COL6A2: variants seen among roughly 807,000 people sequenced by gnomAD.
COL6A2 encodes the protein collagen type VI alpha 2 chain.
A neutral mutation model predicts 124.9 loss-of-function variants in COL6A2; 90 were observed. The observed-to-expected ratio is 0.72, with a 90% confidence interval of 0.61 to 0.86. The LOEUF is 0.86. Ranked by LOEUF, COL6A2 falls within the 40% of genes least tolerant of loss-of-function variation. The pLI, the probability that COL6A2 is intolerant of heterozygous loss-of-function variation, is 0.00. For missense variants in COL6A2, 1,607 were observed against 1,502.5 expected, an observed-to-expected ratio of 1.07 and a Z score of -1.15; for synonymous variants, 793 against 618.2, an observed-to-expected ratio of 1.28 and a Z score of -4.19.
chr21:46,105,130 C>A (rs1346115940), intron 1 of COL6A2, among the ~76,000 whole-genome samples: 1 of 152,212 alleles, frequency 6.6e-6, no homozygotes, highest in African/African-American at 2.4e-5. Context: ...GTAACCCCAT[C>A]ACTTTGGGAG....
In COL6A2 at chr21:46,116,680, AGG is replaced by A. The variant is rs1568929538; in HGVS notation, c.954+4_954+5del. Reference sequence around the variant, plus strand: ...AATTTGGAGCCGACGGTCGCAAGGTAGGCTGGCTGGGTAGGCAGAGCCCCTCC... The same window carrying A: ...AATTTGGAGCCGACGGTCGCAAGGTACTGGCTGGGTAGGCAGAGCCCCTCC... On this transcript the variant is annotated splice_donor_5th_base_variant and intron_variant, in intron 9 of 27. Transcript: ENST00000300527. The surrounding 1 kb of genome is among the most constrained non-coding windows in gnomAD (Gnocchi z 4.6). The A allele has an allele frequency of 1.3e-5, 21 of 1,613,092 alleles. No homozygotes were observed. The highest frequency in any genetic ancestry group is 1.7e-5 in the Non-Finnish European group (20 of 1,180,012).
chr21:46,111,138 C>T lies in COL6A2; in HGVS notation c.-27-312C>T, dbSNP rs527267118. ...AGTGGTGCTCCATTCCCTTCCATGC[C>T]GACGCGCCCAGCTACCCACTCCACC... On this transcript the variant is annotated intron_variant, in intron 1 of 27. Transcript: ENST00000300527. Among the ~76,000 whole-genome samples the T allele has an allele frequency of 3.4e-4, 51 of 152,236 alleles. 2 individuals carry two copies. The South Asian group carries it at 0.011, about 32-fold the overall frequency.
chr21:46,116,400 G>T lies in COL6A2; in HGVS notation c.924G>T (p.Glu308Asp). 6.2e-7 allele frequency: 1 copy of T among 1,612,994 alleles called. No individual in the cohort carries two copies. Among genetic ancestry groups the T allele is most frequent in the Non-Finnish European group, 8.5e-7 (1 of 1,180,002 alleles). The change falls in exon 8 of 28, where the codon GAG becomes GAT. Residue 308 changes from glutamate to aspartate, a missense_variant. Glu to Asp is a conservative substitution (Grantham distance 45, BLOSUM62 2). This residue lies in a region of COL6A2 where 42 missense variants were observed against 68.7 expected (regional missense o/e 0.61). Transcript: ENST00000300527. This position sits in a 1 kb window ranked among gnomAD's most constrained non-coding sequence, Gnocchi z 4.6. The stretch of plus-strand genomic sequence containing the variant: ...AGGGCGTTCCTGGCTTCAAAGGAGA[G>T]AAGGTGAGGCTCTTGCCCTGACAGA... ...GPKGVPGFKG[E>D]KGEFGADGRK...
At chr21:46,111,396 GGTGCCAGGGGAGA>G in intron 1 of COL6A2, 41 bp from the exon 2 acceptor site, 1 of 1,010,466 alleles carries the variant, frequency 9.9e-7, no homozygotes, top group Non-Finnish European at 1.5e-6. Flanking sequence ...CATGGGGGAG[GGTGCCAGGGGAGA>G]GGCACTGGGG....
At chr21:46,120,697 G>C in intron 16 of COL6A2, 120 bp downstream of exon 16, 1 of 973,724 alleles carries the variant, frequency 1.0e-6, no homozygotes, top group Non-Finnish European at 1.5e-6. Flanking sequence ...GGTGGGTGCT[G>C]CACCCCAAGG....
rs1235087612 is a variant in COL6A2 at position 46,126,177 on chromosome 21, C to T, written c.2362C>T (p.Leu788=). The change falls in exon 26 of 28, where the codon CTG becomes TTG. Residue 788 remains leucine (L), a synonymous_variant. Transcript: ENST00000300527. ...DKPQQVRNMT[L]FSDLVAEKFI... ...GCCACAGCAGGTGCGCAACATGACG[C>T]TGTTCTCCGACCTGGTCGCTGAGAA... 6.2e-7 allele frequency: 1 copy of T among 1,607,434 alleles called. No homozygotes were observed. Among genetic ancestry groups the T allele is most frequent in the Non-Finnish European group, 8.5e-7 (1 of 1,179,970 alleles).
chr21:46,101,693 T>C (rs1193977031), intron 1 of COL6A2, among the ~76,000 whole-genome samples: 4 of 152,156 alleles, frequency 2.6e-5, no homozygotes, highest in Admixed American at 2.6e-4. Context: ...TTGAAAGTCA[T>C]ATATGCAAGG....
Position 46,132,690 on chromosome 21 carries a change from C to CG in COL6A2, c.*142dup, listed in dbSNP as rs1433820985. 1.1e-5 allele frequency: 10 copies of CG among 909,066 alleles called. No homozygotes were observed. The African/African-American group carries it at 1.3e-4, about 12-fold the overall frequency. 56.3% of individuals were successfully genotyped at this position (909,066 alleles called of 1,614,324 possible). On this transcript the variant is annotated 3_prime_UTR_variant, in exon 28 of 28. Coordinates refer to ENST00000300527, the MANE Select transcript of COL6A2 (RefSeq NM_001849.4). Reference sequence around the variant, plus strand: ...GCCTGCACCTCTCCAGCTCCTCCCACGGGGTCCCCGTAGCCCCGGCCCCCG... The same window carrying CG: ...GCCTGCACCTCTCCAGCTCCTCCCACGGGGGTCCCCGTAGCCCCGGCCCCCG...
Position 46,116,591 on chromosome 21 carries a change from A to T in COL6A2, c.928-60A>T. The T allele has an allele frequency of 1.2e-6, 2 of 1,610,076 alleles. No individual in the cohort carries two copies. Among genetic ancestry groups the T allele is most frequent in the Non-Finnish European group, 1.7e-6 (2 of 1,177,672 alleles). ...CCCAAGGGCTTTGCCCCCCAGAGGC[A>T]GCAGTGCCCATGATGCTTTGAGGCA... is the stretch of plus-strand genomic sequence containing the variant. On this transcript the variant is annotated intron_variant, in intron 8 of 27. Coordinates refer to ENST00000300527, the MANE Select transcript of COL6A2 (RefSeq NM_001849.4). The surrounding 1 kb of genome is among the most constrained non-coding windows in gnomAD (Gnocchi z 4.6).
chr21:46,127,799 C>T (rs929517464), intron 27 of COL6A2, among the ~76,000 whole-genome samples: 2 of 152,170 alleles, frequency 1.3e-5, no homozygotes, highest in South Asian at 2.1e-4. Context: ...CAGGTTCTAT[C>T]GTGAGTGGGT....
intron 1 of COL6A2, among the ~76,000 whole-genome samples, chr21:46,106,961 C>A (rs1030712591): frequency 1.3e-5 from 2 of 152,080 alleles, no homozygotes; most frequent in Non-Finnish European, 2.9e-5. Flanking sequence ...AAATTGCATT[C>A]TATTATAGAT....
chr21:46,123,922 A>G (rs1224283651), intron 21 of COL6A2, among the ~76,000 whole-genome samples: 3 of 127,690 alleles, frequency 2.3e-5, no homozygotes, highest in Non-Finnish European at 5.0e-5. Flanking sequence ...TGGATAGAGG[A>G]TGGATGGTTG....
rs1262570025 is a variant in COL6A2 at position 46,132,591 on chromosome 21, C to A, written c.*39C>A. On this transcript the variant is annotated 3_prime_UTR_variant, in exon 28 of 28. Transcript: ENST00000300527. ...GCCCCGCAGTCGAGGGTCGTGAGCC[C>A]ACCCCGTCCATGGTGCTAAGCGGGC... 6.5e-7 allele frequency: 1 copy of A among 1,546,170 alleles called. No homozygotes were observed. Among genetic ancestry groups the A allele is most frequent in the Non-Finnish European group, 8.7e-7 (1 of 1,147,414 alleles).
Position 46,132,667 on chromosome 21 carries a change from C to G in COL6A2, c.*115C>G. 1 of 1,082,242 alleles carries G rather than the reference C, an allele frequency of 9.2e-7. No individual in the cohort carries two copies. The highest frequency in any genetic ancestry group is 2.0e-5 in the Admixed American group (1 of 49,412). 67.0% of individuals were successfully genotyped at this position (1,082,242 alleles called of 1,614,324 possible). On this transcript the variant is annotated 3_prime_UTR_variant, in exon 28 of 28. Coordinates refer to ENST00000300527, the MANE Select transcript of COL6A2 (RefSeq NM_001849.4). ...TGCTCACTCGGACGACGCCCTGGGCCTGCACCTCTCCAGCTCCTCCCACGG... is the reference window on the plus strand; with the variant it reads ...TGCTCACTCGGACGACGCCCTGGGCGTGCACCTCTCCAGCTCCTCCCACGG...
rs757742434 is a variant in COL6A2, at chr21:46,111,550, T to A, written c.74T>A (p.Val25Asp). The change falls in exon 2 of 28, where the codon GTC becomes GAC. Residue 25 changes from valine to aspartate, a missense_variant. Physicochemically the swap from Val to Asp is radical, Grantham distance 152. Transcript: ENST00000300527. Reference sequence around the variant, plus strand: ...GCCATCCAGGCCCAGCAGCAGGAGGTCATCTCGCCGGACACTACCGAGAGA... The same window carrying A: ...GCCATCCAGGCCCAGCAGCAGGAGGACATCTCGCCGGACACTACCGAGAGA... ...LGAIQAQQQEVISPDTTERNN... is the reference protein window; with the variant it reads ...LGAIQAQQQEDISPDTTERNN... 6 of 1,612,134 alleles carry A rather than the reference T, an allele frequency of 3.7e-6. No homozygotes were observed. The highest frequency in any genetic ancestry group is 4.2e-6 in the Non-Finnish European group (5 of 1,179,718).
intron 15 of COL6A2, 139 bp from the exon 16 acceptor site, chr21:46,120,376 T>G (rs1371246723): frequency 8.9e-6 from 6 of 673,342 alleles, no homozygotes; most frequent in African/African-American, 1.8e-5. Flanking sequence ...AACAGGCGAC[T>G]GTTGCAGGTC....
intron 18 of COL6A2, 75 bp downstream of exon 18, chr21:46,121,693 C>T: frequency 1.4e-6 from 2 of 1,445,690 alleles, no homozygotes; most frequent in Non-Finnish European, 1.9e-6. Flanking sequence ...GGGGGCCGGC[C>T]TGGGGGACCC....
chr21:46,120,125 C>CCCCACTGAGGCACCGCTCACACCCCCGG (rs149796156), intron 15 of COL6A2, among the ~76,000 whole-genome samples: 969 of 81,304 alleles, frequency 0.012, 18 homozygotes, highest in East Asian at 0.015. Flanking sequence ...ACCCCCCGGC[C>CCCCACTGAGGCACCGCTCACACCCCCGG]CCCACTGAGG....
intron 13 of COL6A2, 132 bp from the exon 14 acceptor site, chr21:46,118,898 C>A: frequency 1.1e-6 from 1 of 945,092 alleles, no homozygotes; most frequent in South Asian, 1.4e-5. Flanking sequence ...GGGGACCCTG[C>A]AGGGCCCCCA....
Sources: allele counts gnomAD v4.1 joint callset (sites outside exome capture counted in the v4.1 genomes callset), GRCh38; gene constraint gnomAD v4.1.1; regional missense constraint gnomAD v4.1.1; non-coding constraint Gnocchi (gnomAD v3.1); transcripts MANE v1.5; gene names NCBI Gene and HGNC (gene_info 2026-07-23, HGNC 2026-07-21).